ASIP: variants seen among roughly 807,000 people sequenced by gnomAD.
ASIP encodes the protein agouti signaling protein, also known as agouti-signaling protein.
Under a neutral mutation model 10.3 loss-of-function variants are expected in ASIP, and 11 were observed. The ratio of observed to expected loss-of-function variants is 1.07; its 90% CI spans 0.68 to 1.78. ASIP has a LOEUF of 1.78. Among genes scored for constraint, ASIP ranks in the 40% most tolerant of loss-of-function variants. The probability of loss-of-function intolerance (pLI) is 0.00; values close to 1 mark genes in which losing one functional copy is unlikely to be tolerated. For synonymous variants in ASIP, 70 were observed against 70.8 expected, an observed-to-expected ratio of 0.99 and a Z score of 0.06; for missense variants, 180 against 169.2, an observed-to-expected ratio of 1.06 and a Z score of -0.35.
At chr20:34,227,050 A>G (rs2035097992) in intron 1 of ASIP, among the ~76,000 whole-genome samples, 1 of 152,232 alleles carries the variant, frequency 6.6e-6, no homozygotes, top group Non-Finnish European at 1.5e-5. Flanking sequence ...TGAAACAGTA[A>G]AACTATTTAT....
upstream of ASIP, among the ~76,000 whole-genome samples, chr20:34,240,060 A>G (rs2035264162): frequency 6.6e-6 from 1 of 152,226 alleles, no homozygotes; most frequent in Non-Finnish European, 1.5e-5. Flanking sequence ...TCTGAGGAAC[A>G]GAAAGAAGGT....
At chr20:34,244,953 A>T (rs1272931820) in intron 1 of ASIP, among the ~76,000 whole-genome samples, 1 of 152,206 alleles carries the variant, frequency 6.6e-6, no homozygotes, top group African/African-American at 2.4e-5. Context: ...AATTATTTTT[A>T]AAAATCACTC....
At chr20:34,241,227 C>G (rs1025853149), upstream of ASIP, among the ~76,000 whole-genome samples, 7 of 152,246 alleles carry the variant, frequency 4.6e-5, no homozygotes, top group Admixed American at 3.9e-4. Flanking sequence ...AAAGGATAAC[C>G]CTTTACCTTT....
At chr20:34,213,084 T>C (rs1276748690) in intron 1 of ASIP, among the ~76,000 whole-genome samples, 1 of 152,146 alleles carries the variant, frequency 6.6e-6, no homozygotes, top group Non-Finnish European at 1.5e-5. Flanking sequence ...TTCTAAGAGG[T>C]GATTAGGCCA....
At chr20:34,204,679 G>A (rs927540355) in intron 1 of ASIP, among the ~76,000 whole-genome samples, 5 of 152,150 alleles carry the variant, frequency 3.3e-5, no homozygotes, top group Admixed American at 2.0e-4. Context: ...TTTACTTTTT[G>A]TAGTTACTCT....
chr20:34,235,864 G>A (rs867550478), intron 1 of ASIP, among the ~76,000 whole-genome samples: 2 of 37,214 alleles, frequency 5.4e-5, no homozygotes, highest in Non-Finnish European at 8.1e-5. Context: ...AAGGAAGGAA[G>A]GAAAGGAAGG....
intron 1 of ASIP, among the ~76,000 whole-genome samples, chr20:34,256,132 A>G (rs2035564447): frequency 6.6e-6 from 1 of 152,228 alleles, no homozygotes; most frequent in South Asian, 2.1e-4. Flanking sequence ...TAGAAGAAAT[A>G]ATGGCATAAA....
intron 1 of ASIP, among the ~76,000 whole-genome samples, chr20:34,235,895 A>G (rs1202849656): frequency 1.2e-5 from 1 of 80,720 alleles, no homozygotes; most frequent in African/African-American, 1.3e-4. Context: ...GGAAGGAAGG[A>G]AGGAAAGGAA....
chr20:34,267,006 A>G (rs768726116), intron 3 of ASIP, among the ~76,000 whole-genome samples: 1 of 152,206 alleles, frequency 6.6e-6, no homozygotes, highest in East Asian at 1.9e-4. Flanking sequence ...GCACTGTGTG[A>G]TCTTGAAAGT....
chr20:34,252,863 T>C (rs1051291288), intron 1 of ASIP, among the ~76,000 whole-genome samples: 8 of 152,178 alleles, frequency 5.3e-5, no homozygotes, highest in Non-Finnish European at 1.2e-4. Flanking sequence ...GAATGGAGAA[T>C]GGCGATGACT....
chr20:34,268,718 A>G (rs2035832145), intron 3 of ASIP, among the ~76,000 whole-genome samples: 1 of 151,658 alleles, frequency 6.6e-6, no homozygotes, highest in African/African-American at 2.4e-5. Flanking sequence ...TGGCTGACAG[A>G]GTGAAACCCT....
chr20:34,235,866 A>AAGGAAAGG (rs1349467682), intron 1 of ASIP, among the ~76,000 whole-genome samples: 6 of 36,864 alleles, frequency 1.6e-4, no homozygotes, highest in South Asian at 1.1e-3. Flanking sequence ...GGAAGGAAGG[A>AAGGAAAGG]AAGGAAGGAA....
chr20:34,203,196 A>G (rs1219384435), intron 1 of ASIP, among the ~76,000 whole-genome samples: 1 of 152,176 alleles, frequency 6.6e-6, no homozygotes, highest in East Asian at 1.9e-4. Context: ...GATTACATTA[A>G]ATCTGTCCAT....
At chr20:34,192,460 C>A (rs1051511824), upstream of ASIP, among the ~76,000 whole-genome samples, 5 of 152,174 alleles carry the variant, frequency 3.3e-5, no homozygotes, top group Admixed American at 3.3e-4. Context: ...TGAGCCACCA[C>A]ACGCAGCTCA....
upstream of ASIP, among the ~76,000 whole-genome samples, chr20:34,239,471 C>A (rs993348215): frequency 6.6e-6 from 1 of 152,198 alleles, no homozygotes; most frequent in African/African-American, 2.4e-5. Context: ...CCCACCTCGG[C>A]CTCCCAATCA....
rs1166393663 is a variant in ASIP at position 34,245,936 on chromosome 20, C to T, written c.-11+4447C>T. Reference sequence around the variant, plus strand: ...AACTCTCAGTTCAGGCCATTAAATACAGACAAATTTTCAAATTCACTTCTT... The same window carrying T: ...AACTCTCAGTTCAGGCCATTAAATATAGACAAATTTTCAAATTCACTTCTT... On this transcript the variant is annotated intron_variant, in intron 1 of 3. Coordinates refer to ENST00000374954, the MANE Select transcript of ASIP (RefSeq NM_001672.3). 9.2e-6 allele frequency: 14 copies of T among 1,526,828 alleles called. No homozygotes were observed. In the East Asian group the frequency reaches 3.1e-4, roughly 34 times the overall value. 94.6% of individuals were successfully genotyped at this position (1,526,828 alleles called of 1,614,324 possible).
At chr20:34,214,253 A>G in intron 1 of ASIP, 7 of 1,402,616 alleles carry the variant, frequency 5.0e-6, no homozygotes, top group Non-Finnish European at 6.1e-6. Context: ...GAACTTTTGC[A>G]CTGGAATGAC....
intron 2 of ASIP, among the ~76,000 whole-genome samples, chr20:34,261,094 G>A (rs13036867): frequency 3.3e-5 from 5 of 152,188 alleles, no homozygotes; most frequent in Admixed American, 6.5e-5. Context: ...TAACTAGCAC[G>A]GATCACACAG....
At chr20:34,201,577 A>G (rs1206428921) in intron 1 of ASIP, among the ~76,000 whole-genome samples, 1 of 152,220 alleles carries the variant, frequency 6.6e-6, no homozygotes, top group African/African-American at 2.4e-5. Flanking sequence ...AAATCTAGCA[A>G]TCTTACTGGA....
Sources: gnomAD v4.1 joint callset for allele counts (sites outside exome capture counted in the v4.1 genomes callset) on GRCh38, gnomAD v4.1.1 for gene constraint, MANE v1.5 for transcripts, NCBI Gene and HGNC (gene_info 2026-07-23, HGNC 2026-07-21) for gene names.